The following UBE2D3 variants were observed in gnomAD, a reference collection of about 807,000 sequenced individuals.
UBE2D3 encodes ubiquitin conjugating enzyme E2 D3.
In UBE2D3, 2 loss-of-function variants were observed where a neutral mutation model predicts 22.8. The ratio of observed to expected loss-of-function variants is 0.09; its 90% CI spans 0.04 to 0.28. The LOEUF (loss-of-function observed/expected upper bound fraction) is 0.28, where lower values mean the gene tolerates loss of function less well. Ranked by LOEUF, UBE2D3 falls within the 10% of genes least tolerant of loss-of-function variation. UBE2D3 has a pLI of 1.00. For missense variants in UBE2D3, 27 were observed against 182.5 expected (o/e 0.15, Z 4.91); for synonymous variants, 56 against 60.4 (o/e 0.93, Z 0.34).
intron 7 of UBE2D3, chr4:102,799,032 T>G (rs1413633182): frequency 3.6e-5 from 54 of 1,507,334 alleles, no homozygotes; most frequent in Non-Finnish European, 5.0e-5. Context: ...TTATAATGGT[T>G]AAGTTGAACA....
At chr4:102,816,354 C>A (rs1180891470) in intron 2 of UBE2D3, among the ~76,000 whole-genome samples, 13 of 152,210 alleles carry the variant, frequency 8.5e-5, no homozygotes, top group Non-Finnish European at 1.6e-4. Flanking sequence ...TAGCTGTTGA[C>A]AGGCACGTGT....
intron 6 of UBE2D3, 28 bp from the exon 7 acceptor site, chr4:102,799,528 C>A: frequency 1.9e-6 from 3 of 1,564,222 alleles, no homozygotes; most frequent in Non-Finnish European, 1.8e-6. Flanking sequence ...CATCTGTTAC[C>A]CAGTTTCAGG....
At chr4:102,859,851 G>C (rs116094498) in intron 1 of UBE2D3, among the ~76,000 whole-genome samples, 2,602 of 143,142 alleles carry the variant, frequency 0.018, 67 homozygotes, top group African/African-American at 0.063. Context: ...AATTTGATTT[G>C]TTTTTTTTTT....
chr4:102,846,040 G>A (rs975626850), intron 1 of UBE2D3, among the ~76,000 whole-genome samples: 9 of 152,072 alleles, frequency 5.9e-5, no homozygotes, highest in Non-Finnish European at 8.8e-5. Flanking sequence ...ATCTGCCTGC[G>A]TTGGCCTCCC....
At chr4:102,822,940 A>G (rs190099422) in intron 2 of UBE2D3, among the ~76,000 whole-genome samples, 13 of 152,322 alleles carry the variant, frequency 8.5e-5, no homozygotes, top group African/African-American at 2.6e-4. Flanking sequence ...CGTCTCCAAC[A>G]ACAACAAAAA....
intron 1 of UBE2D3, among the ~76,000 whole-genome samples, chr4:102,865,059 A>C (rs1370687589): frequency 6.6e-6 from 1 of 152,202 alleles, no homozygotes; most frequent in Non-Finnish European, 1.5e-5. Flanking sequence ...TATAAGTTTA[A>C]AACTTTTAGC....
intron 2 of UBE2D3, chr4:102,810,470 G>A (rs1303919831): frequency 6.6e-6 from 1 of 150,526 alleles, no homozygotes; most frequent in African/African-American, 2.5e-5. Flanking sequence ...GCGCAATCTG[G>A]GGTCACTGCA....
intron 6 of UBE2D3, among the ~76,000 whole-genome samples, chr4:102,800,872 T>C (rs1361927246): frequency 1.3e-5 from 2 of 152,066 alleles, no homozygotes; most frequent in Non-Finnish European, 1.5e-5. Context: ...GGGATATTCA[T>C]GCGGAGACCG....
upstream of UBE2D3, chr4:102,828,215 T>C: frequency 4.1e-6 from 4 of 985,378 alleles, no homozygotes; most frequent in Non-Finnish European, 4.8e-6. Flanking sequence ...CAGCCTTGTC[T>C]CACGCGCCCA....
intron 1 of UBE2D3, among the ~76,000 whole-genome samples, chr4:102,861,925 T>C (rs187198661): frequency 6.6e-6 from 1 of 152,096 alleles, no homozygotes; most frequent in Admixed American, 6.5e-5. Flanking sequence ...TATTTATTTA[T>C]TATGGATTGA....
chr4:102,846,930 T>C (rs926858592), intron 1 of UBE2D3, among the ~76,000 whole-genome samples: 10 of 151,482 alleles, frequency 6.6e-5, no homozygotes, highest in Admixed American at 4.6e-4. Flanking sequence ...AGGCATGAGC[T>C]ACCATGCCTA....
At chr4:102,854,218 G>T (rs997619290) in intron 1 of UBE2D3, among the ~76,000 whole-genome samples, 1 of 151,758 alleles carries the variant, frequency 6.6e-6, no homozygotes, top group African/African-American at 2.4e-5. Flanking sequence ...TATTAATTTC[G>T]TTTAGATTTT....
At chr4:102,850,248 G>A (rs1016988088) in intron 1 of UBE2D3, among the ~76,000 whole-genome samples, 4 of 152,194 alleles carry the variant, frequency 2.6e-5, no homozygotes, top group African/African-American at 9.7e-5. Context: ...GGGGAACAGT[G>A]ACAGGATAGT....
intron 1 of UBE2D3, among the ~76,000 whole-genome samples, chr4:102,841,084 T>C (rs1464434695): frequency 2.0e-5 from 3 of 152,062 alleles, no homozygotes; most frequent in Admixed American, 1.3e-4. Flanking sequence ...ACAAATAATC[T>C]TTAAACCAGT....
chr4:102,801,562 A>G lies in UBE2D3; in HGVS notation c.199-3T>C. The G allele has an allele frequency of 1.9e-6, 3 of 1,588,004 alleles. No homozygotes were observed. Among genetic ancestry groups the G allele is most frequent in the Non-Finnish European group, 2.6e-6 (3 of 1,166,664 alleles). On this transcript the variant is annotated splice_polypyrimidine_tract_variant and splice_region_variant and intron_variant, in intron 5 of 7. Transcript: ENST00000453744. ...TAAATTCTTGTTGTAAATGCAACCT[A>G]AAACAAAAACTTTTAAGTATTTTAT...
chr4:102,825,884 C>T (rs1456161731), intron 2 of UBE2D3: 1 of 426,478 alleles, frequency 2.3e-6, no homozygotes, highest in Non-Finnish European at 4.7e-6. Flanking sequence ...AGTGGCAACA[C>T]TGTGTCATTC....
chr4:102,831,279 T>G (rs1022497266), upstream of UBE2D3, among the ~76,000 whole-genome samples: 1 of 152,212 alleles, frequency 6.6e-6, no homozygotes, highest in African/African-American at 2.4e-5. Context: ...TCAAATTGAT[T>G]TCTATACTTA....
rs189678446 is a variant in UBE2D3, at chr4:102,819,222, C to T, written c.24+7263G>A. Among the ~76,000 whole-genome samples, 903 of 151,652 alleles carry T rather than the reference C, an allele frequency of 6.0e-3. 11 individuals carry two copies. The highest frequency in any genetic ancestry group is 0.021 in the African/African-American group (871 of 41,282). ...GCGGGTGCCTGTAATCCCAGCTACT[C>T]GAGAGGCTGAGACAGGAGAATTGCT... On this transcript the variant is annotated intron_variant, in intron 2 of 7. Coordinates refer to ENST00000453744, the MANE Select transcript of UBE2D3 (RefSeq NM_181891.3).
At position 102,796,510 on chromosome 4, in the gene UBE2D3, T is replaced by C. The variant is rs896843564; in HGVS notation, c.*905A>G. 3.3e-5 allele frequency: 5 copies of C among 152,356 alleles called. No individual in the cohort carries two copies. The highest frequency in any genetic ancestry group is 7.4e-5 in the Non-Finnish European group (5 of 67,864). The allele number at this position is 152,356 out of a possible 1,614,324, so 9.4% of individuals were successfully genotyped here. On this transcript the variant is annotated 3_prime_UTR_variant, in exon 8 of 8. Transcript: ENST00000453744. ...ATTTGATGTCAAACAATGAAGCAAA[T>C]CCCAACAGTATATACAAAAAACAGC...
Sources: gnomAD v4.1 joint callset for allele counts (sites outside exome capture counted in the v4.1 genomes callset) on GRCh38, gnomAD v4.1.1 for gene constraint, MANE v1.5 for transcripts, NCBI Gene and HGNC (gene_info 2026-07-23, HGNC 2026-07-21) for gene names.